The following RORA variants were observed in gnomAD, a reference collection of about 807,000 sequenced individuals.
RORA encodes nuclear receptor ROR-alpha.
RORA carries 7 observed loss-of-function variants against 69.5 expected under a neutral mutation model. The observed-to-expected ratio is 0.10, with a 90% confidence interval of 0.06 to 0.19. The LOEUF (loss-of-function observed/expected upper bound fraction) is 0.19. Ranked by LOEUF, RORA falls within the 10% of genes least tolerant of loss-of-function variation. The probability of loss-of-function intolerance (pLI) is 1.00; values close to 1 mark genes in which losing one functional copy is unlikely to be tolerated. For synonymous variants in RORA, 261 were observed against 240.8 expected (o/e 1.08, Z -0.78); for missense variants, 457 against 663.0 (o/e 0.69, Z 3.41).
In RORA at chr15:60,509,060, C is replaced by A. The variant is rs1042516382; in HGVS notation, c.820+2166G>T. Among the ~76,000 whole-genome samples the A allele has an allele frequency of 3.9e-5, 6 of 152,126 alleles. No homozygotes were observed. The South Asian group carries it at 1.0e-3, about 26-fold the overall frequency. On this transcript the variant is annotated intron_variant, in intron 5 of 10. Transcript: ENST00000335670. ...ACAATTGGTTTCACTTGTTTAAAAT[C>A]TGATGACAAAGTTTAGCCTAAAATG...
chr15:61,183,290 T>C (rs1161146970), intron 1 of RORA, among the ~76,000 whole-genome samples: 1 of 152,182 alleles, frequency 6.6e-6, no homozygotes, highest in Non-Finnish European at 1.5e-5. Context: ...AATCCAGCAC[T>C]TTGGGAGGGC....
rs73426301 is a variant in RORA, at chr15:60,726,450, T to G, written c.167-47764A>C. 8.0e-4 allele frequency among the ~76,000 whole-genome samples: 122 copies of G among 152,308 alleles called. 2 individuals are homozygous for G. The highest frequency in any genetic ancestry group is 2.9e-3 in the African/African-American group (119 of 41,568). ...AGCACCTACTGTGTGCAAGGCAGTT[T>G]GCCACAGCACAGGGCACAAACAGAA... On this transcript the variant is annotated intron_variant, in intron 1 of 10. Transcript: ENST00000335670.
intron 1 of RORA, among the ~76,000 whole-genome samples, chr15:60,814,580 A>G (rs2072784562): frequency 6.6e-6 from 1 of 152,190 alleles, no homozygotes; most frequent in Admixed American, 6.5e-5. Flanking sequence ...CAAGCCGAAG[A>G]AAATGGATGG....
intron 1 of RORA, among the ~76,000 whole-genome samples, chr15:61,132,408 G>A (rs375001013): frequency 4.0e-5 from 6 of 151,758 alleles, no homozygotes; most frequent in African/African-American, 7.3e-5. Flanking sequence ...GTTTTTTCAC[G>A]GTAAAGTATA....
chr15:60,797,660 C>G (rs528406485), intron 1 of RORA, among the ~76,000 whole-genome samples: 11 of 152,140 alleles, frequency 7.2e-5, no homozygotes, highest in Non-Finnish European at 5.9e-5. Context: ...TAACTCCTTA[C>G]GGGCCCAGCC....
At chr15:61,134,231 C>G (rs1283822103) in intron 1 of RORA, among the ~76,000 whole-genome samples, 2 of 152,126 alleles carry the variant, frequency 1.3e-5, no homozygotes, top group Non-Finnish European at 2.9e-5. Flanking sequence ...GAATGGTCTG[C>G]CGGCTTATTG....
At chr15:61,091,199 A>G (rs1477053181) in intron 1 of RORA, among the ~76,000 whole-genome samples, 1 of 152,150 alleles carries the variant, frequency 6.6e-6, no homozygotes, top group Non-Finnish European at 1.5e-5. Context: ...TTGCCGTTGA[A>G]TTACGCTGCT....
intron 1 of RORA, among the ~76,000 whole-genome samples, chr15:60,687,914 T>C (rs909947173): frequency 4.6e-5 from 7 of 152,164 alleles, no homozygotes; most frequent in Non-Finnish European, 7.3e-5. Flanking sequence ...GCTATATAAT[T>C]TGGGGCAAGA....
intron 1 of RORA, among the ~76,000 whole-genome samples, chr15:60,853,110 G>C (rs2073343524): frequency 6.6e-6 from 1 of 150,978 alleles, no homozygotes. Flanking sequence ...CAGGGCGGAG[G>C]GGGAGAACCA....
chr15:61,099,573 T>A (rs2078847238), intron 1 of RORA, among the ~76,000 whole-genome samples: 1 of 152,206 alleles, frequency 6.6e-6, no homozygotes. Flanking sequence ...TTGGTGGTTA[T>A]CTATAAAACG....
At chr15:60,762,244 A>G (rs1420464580) in intron 1 of RORA, among the ~76,000 whole-genome samples, 1 of 152,216 alleles carries the variant, frequency 6.6e-6, no homozygotes, top group Non-Finnish European at 1.5e-5. Flanking sequence ...AAGTACTATT[A>G]AACTAAAACG....
intron 1 of RORA, among the ~76,000 whole-genome samples, chr15:60,837,225 G>C (rs1275705884): frequency 1.3e-5 from 2 of 151,844 alleles, no homozygotes; most frequent in African/African-American, 4.8e-5. Flanking sequence ...CTTCCTTCCT[G>C]TCACTGAAAC....
Position 60,939,007 on chromosome 15 carries a change from C to T in RORA, c.167-260321G>A, listed in dbSNP as rs139365026. On this transcript the variant is annotated intron_variant, in intron 1 of 10. Transcript: ENST00000335670. Reference sequence around the variant, plus strand: ...TCAAGTCCTGTCACCAGTGATGGCTCGATCAAAGTTATTTGCTCAGGCCAT... The same window carrying T: ...TCAAGTCCTGTCACCAGTGATGGCTTGATCAAAGTTATTTGCTCAGGCCAT... Among the ~76,000 whole-genome samples, 11 of 152,288 alleles carry T rather than the reference C, an allele frequency of 7.2e-5. No homozygotes were observed. The East Asian group carries it at 2.1e-3, about 29-fold the overall frequency.
intron 1 of RORA, among the ~76,000 whole-genome samples, chr15:61,134,613 T>C (rs1173692213): frequency 6.6e-6 from 1 of 152,160 alleles, no homozygotes; most frequent in African/African-American, 2.4e-5. Flanking sequence ...AATACAAAAC[T>C]ATGCAATGGT....
intron 1 of RORA, among the ~76,000 whole-genome samples, chr15:61,185,530 C>A (rs1032637097): frequency 1.3e-5 from 2 of 152,186 alleles, no homozygotes; most frequent in Non-Finnish European, 2.9e-5. Flanking sequence ...AGCTCCTAAA[C>A]TTCTGGCCAG....
intron 1 of RORA, among the ~76,000 whole-genome samples, chr15:60,742,124 T>C (rs888598874): frequency 3.3e-5 from 5 of 152,184 alleles, no homozygotes; most frequent in Non-Finnish European, 7.3e-5. Context: ...TATAGATAGA[T>C]ATATATGTGT....
rs531529832 is a variant in RORA at position 60,701,671 on chromosome 15, G to A, written c.167-22985C>T. ...AGGCTCCGGGGAGTGCCCTGTCCCC[G>A]ACTCGGTCTGCTGTGATTTTTCCTG... On this transcript the variant is annotated intron_variant, in intron 1 of 10. Transcript: ENST00000335670. Among the ~76,000 whole-genome samples the A allele has an allele frequency of 1.6e-4, 24 of 152,218 alleles. No individual in the cohort carries two copies. In the East Asian group the frequency reaches 3.9e-3, roughly 24 times the overall value.
chr15:60,833,022 A>G (rs906443479), intron 1 of RORA, among the ~76,000 whole-genome samples: 3 of 151,586 alleles, frequency 2.0e-5, no homozygotes, highest in African/African-American at 7.3e-5. Flanking sequence ...CTCCTGCCTC[A>G]GCCTCCTGAG....
chr15:60,782,486 T>C (rs968107613), intron 1 of RORA, among the ~76,000 whole-genome samples: 5 of 152,242 alleles, frequency 3.3e-5, no homozygotes, highest in African/African-American at 1.2e-4. Flanking sequence ...TCACGATCTT[T>C]ATTTTGGTAA....
Sources: gnomAD v4.1 joint callset for allele counts (sites outside exome capture counted in the v4.1 genomes callset) on GRCh38, gnomAD v4.1.1 for gene constraint, MANE v1.5 for transcripts, NCBI Gene and HGNC (gene_info 2026-07-23, HGNC 2026-07-21) for gene names.